Variants in PIGT observed in about 807,000 individuals in gnomAD.
PIGT encodes the protein phosphatidylinositol glycan anchor biosynthesis class T, also known as GPI-anchor transamidase component PIGT.
PIGT carries 57 observed loss-of-function variants against 66.7 expected under a neutral mutation model. That is an observed-to-expected ratio of 0.86 (90% confidence interval 0.69 to 1.07). The LOEUF is 1.07. Among genes scored for constraint, PIGT ranks in the 50% least tolerant of loss-of-function variants. The pLI, the probability that PIGT is intolerant of heterozygous loss-of-function variation, is 0.00. For missense variants in PIGT, 725 were observed against 740.4 expected, an observed-to-expected ratio of 0.98 and a Z score of 0.24; for synonymous variants, 362 against 320.5, an observed-to-expected ratio of 1.13 and a Z score of -1.38.
At chr20:45,421,208 G>A (rs749929504) in intron 8 of PIGT, 175 bp from the exon 9 acceptor site, 1 of 609,126 alleles carries the variant, frequency 1.6e-6, no homozygotes, top group East Asian at 2.8e-5. Flanking sequence ...TGTCATCATC[G>A]CTTGTTGGCT....
At chr20:45,416,837 A>C in intron 2 of PIGT, 143 bp downstream of exon 2, 1 of 691,136 alleles carries the variant, frequency 1.4e-6, no homozygotes, top group Non-Finnish European at 2.3e-6. Context: ...GAAGTAAGAA[A>C]TGTTACCACA....
chr20:45,424,621 C>T, intron 11 of PIGT, 42 bp downstream of exon 11: 1 of 1,527,970 alleles, frequency 6.5e-7, no homozygotes, highest in South Asian at 1.1e-5. Context: ...CCTCAGCTGC[C>T]TGCTGGGCCT....
At position 45,418,981 on chromosome 20, in the gene PIGT, T is replaced by C; in HGVS notation, c.493+2T>C. The C allele has an allele frequency of 6.2e-7, 1 of 1,610,710 alleles. No homozygotes were observed. On this transcript the variant is annotated splice_donor_variant, in intron 3 of 11. Transcript: ENST00000279036. LOFTEE classifies it high-confidence loss of function. ...TCAAACCCCTGGGTCTGGCCAATGG[T>C]GAGATAACCCCTACAGCCCTTTCCT...
Position 45,416,213 on chromosome 20 carries a change from C to A in PIGT, c.57C>A (p.Gly19=). 1 of 1,594,514 alleles carries A rather than the reference C, an allele frequency of 6.3e-7. No individual in the cohort carries two copies. The highest frequency in any genetic ancestry group is 2.3e-5 in the East Asian group (1 of 43,584). ...LLVLLLLGPG[G]WCLAEPPRDS... ...TCCTGTTGCTCCTGGGGCCCGGCGGCTGGTGCCTTGCAGAACCCCCACGCG... is the reference window on the plus strand; with the variant it reads ...TCCTGTTGCTCCTGGGGCCCGGCGGATGGTGCCTTGCAGAACCCCCACGCG... The change falls in exon 1 of 12, where the codon GGC becomes GGA. Residue 19 remains glycine, a synonymous_variant. Coordinates refer to ENST00000279036, the MANE Select transcript of PIGT (RefSeq NM_015937.6).
At chr20:45,425,141 CTCTTT>C (rs1990637756) in intron 11 of PIGT, 1 of 79,986 alleles carries the variant, frequency 1.3e-5, no homozygotes, top group Non-Finnish European at 3.0e-5. Flanking sequence ...TTCTTTCTTT[CTCTTT>C]CTTTCTTTCT....
At chr20:45,417,495 T>C (rs1990059747) in intron 2 of PIGT, 1 of 152,170 alleles carries the variant, frequency 6.6e-6, no homozygotes, top group African/African-American at 2.4e-5. Flanking sequence ...GTCAAATGTT[T>C]CTAAAAATTT....
chr20:45,419,167 T>G, intron 3 of PIGT, 128 bp from the exon 4 acceptor site: 1 of 1,055,170 alleles, frequency 9.5e-7, no homozygotes, highest in East Asian at 2.4e-5. Context: ...CTACTCCCAG[T>G]TGGGACTGTC....
chr20:45,416,555 C>T lies in PIGT; in HGVS notation c.226C>T (p.Leu76=), dbSNP rs766618775. The T allele has an allele frequency of 2.5e-6, 4 of 1,614,184 alleles. No homozygotes were observed. The highest frequency in any genetic ancestry group is 3.4e-6 in the Non-Finnish European group (4 of 1,180,010). The change falls in exon 2 of 12, where the codon CTG becomes TTG. Residue 76 remains leucine (L), a synonymous_variant. Coordinates refer to ENST00000279036, the MANE Select transcript of PIGT (RefSeq NM_015937.6). Reference sequence around the variant, plus strand: ...GCTCTTTCCCAAAGCCCTGGGGCAGCTGATCTCCAAGTATTCTCTACGGGA... The same window carrying T: ...GCTCTTTCCCAAAGCCCTGGGGCAGTTGATCTCCAAGTATTCTCTACGGGA... The part of the protein sequence containing the change: ...YRLFPKALGQ[L]ISKYSLRELH...
intron 11 of PIGT, chr20:45,425,137 CTTTCTCTTTCTTTCTTTCTTTCTT>C (rs1197515862): frequency 0.022 from 3,026 of 135,500 alleles, 52 homozygotes; most frequent in African/African-American, 0.025. Context: ...CTCTTTCTTT[CTTTCTCTTTCTTTCTTTCTTTCTT>C]TCTTTCTTTC....
chr20:45,419,827 T>C, intron 5 of PIGT: 1 of 600,444 alleles, frequency 1.7e-6, no homozygotes, highest in Non-Finnish European at 3.0e-6. Flanking sequence ...AATTGCTAGC[T>C]CAGTCACTTG....
At position 45,419,595 on chromosome 20, in the gene PIGT, G is replaced by A. The variant is rs1263399051; in HGVS notation, c.681+5G>A. 4 of 1,598,742 alleles carry A rather than the reference G, an allele frequency of 2.5e-6. No individual in the cohort carries two copies. Among genetic ancestry groups the A allele is most frequent in the Non-Finnish European group, 2.6e-6 (3 of 1,165,978 alleles). On this transcript the variant is annotated splice_donor_5th_base_variant and intron_variant, in intron 5 of 11. Coordinates refer to ENST00000279036, the MANE Select transcript of PIGT (RefSeq NM_015937.6). ...CATATCCGCCCTGTTTGCAGAGTAA[G>A]TCATGGGGAGTAGAGGAAGCTGCCA... is the stretch of plus-strand genomic sequence containing the variant.
At chr20:45,419,906 A>T in intron 5 of PIGT, 1 of 599,994 alleles carries the variant, frequency 1.7e-6, no homozygotes, top group Non-Finnish European at 3.0e-6. Context: ...GCCACATGAC[A>T]TTGATAGTAG....
At chr20:45,421,152 G>C (rs1304092663) in intron 8 of PIGT, 3 of 570,810 alleles carry the variant, frequency 5.3e-6, no homozygotes, top group Non-Finnish European at 9.3e-6. Context: ...GGGTTCGAAG[G>C]GGGCACGGTG....
rs1164135968 is a variant in PIGT, at chr20:45,425,747, T to C, written c.1658T>C (p.Ile553Thr). 9.9e-6 allele frequency: 16 copies of C among 1,614,076 alleles called. No individual in the cohort carries two copies. Among genetic ancestry groups the C allele is most frequent in the Non-Finnish European group, 1.4e-5 (16 of 1,179,948 alleles). The change falls in exon 12 of 12, where the codon ATC becomes ACC. Residue 553 changes from isoleucine (I) to threonine (T), a missense_variant. Physicochemically the swap from Ile to Thr is moderately conservative, Grantham distance 89. Around this residue, in one of 3 missense-constraint regions of PIGT, gnomAD observed 162 missense variants for 171.1 expected, o/e 0.95. Transcript: ENST00000279036. ...FYNLLTRTFH[I>T]EEPRTGGLAK... Reference sequence around the variant, plus strand: ...AATCTCCTCACCCGAACCTTCCACATCGAGGAGCCCCGCACAGGTGGCCTG... The same window carrying C: ...AATCTCCTCACCCGAACCTTCCACACCGAGGAGCCCCGCACAGGTGGCCTG...
chr20:45,419,013 TC>T, intron 3 of PIGT, 34 bp downstream of exon 3: 1 of 1,613,532 alleles, frequency 6.2e-7, no homozygotes, highest in East Asian at 2.2e-5. Flanking sequence ...TCCTTCTTCC[TC>T]TTACCTCCTG....
intron 2 of PIGT, chr20:45,417,830 A>G (rs1480329354): frequency 1.3e-5 from 2 of 152,194 alleles, no homozygotes; most frequent in African/African-American, 4.8e-5. Flanking sequence ...GAGCAGTTGA[A>G]AAGCTCTGAA....
Position 45,421,441 on chromosome 20 carries a change from G to A in PIGT, c.1092G>A (p.Gln364=). 1 of 1,614,198 alleles carries A rather than the reference G, an allele frequency of 6.2e-7. No homozygotes were observed. Among genetic ancestry groups the A allele is most frequent in the Non-Finnish European group, 8.5e-7 (1 of 1,180,030 alleles). The change falls in exon 9 of 12, where the codon CAG becomes CAA. Residue 364 remains glutamine (Q), a synonymous_variant. Transcript: ENST00000279036. ...GGTACGTGAGTGGCTATGGGCTGCA[G>A]AAGGGGGAGCTGAGCACACTGCTGT... The part of the protein sequence containing the change: ...AQRYVSGYGL[Q]KGELSTLLYN...
rs770845867 is a variant in PIGT, at chr20:45,425,803, G to A, written c.1714G>A (p.Ala572Thr). 28 of 1,613,580 alleles carry A rather than the reference G, an allele frequency of 1.7e-5. No individual in the cohort carries two copies. In the East Asian group the frequency reaches 1.8e-4, roughly 10 times the overall value. ...AKRLANLIRRARGVPPL is the reference protein window; with the variant it reads ...AKRLANLIRRTRGVPPL ...GCGGCTGGCCAACCTTATCCGGCGC[G>A]CCCGAGGTGTCCCCCCACTCTGATT... Residue 572 changes from alanine to threonine, a missense_variant, in exon 12 of 12, where the codon GCC becomes ACC. Transcript: ENST00000279036.
chr20:45,421,253 C>A, intron 8 of PIGT, 130 bp from the exon 9 acceptor site: 1 of 691,724 alleles, frequency 1.4e-6, no homozygotes, highest in Non-Finnish European at 2.3e-6. Context: ...ACCCAGATTG[C>A]CCAGTTTCAG....
Sources: allele counts gnomAD v4.1 joint callset, GRCh38; gene constraint gnomAD v4.1.1; regional missense constraint gnomAD v4.1.1; transcripts MANE v1.5; gene names NCBI Gene and HGNC (gene_info 2026-07-23, HGNC 2026-07-21).